WDR72: variants seen among roughly 807,000 people sequenced by gnomAD.
WDR72 encodes WD repeat domain 72.
Under a neutral mutation model 124.2 loss-of-function variants are expected in WDR72, and 120 were observed. That is an observed-to-expected ratio of 0.97 (90% confidence interval 0.83 to 1.12). The LOEUF (loss-of-function observed/expected upper bound fraction) is 1.12, where lower values mean the gene tolerates loss of function less well. Ranked by LOEUF, WDR72 falls within the 50% of genes most tolerant of loss-of-function variation. The probability of loss-of-function intolerance (pLI) is 0.00; values close to 1 mark genes in which losing one functional copy is unlikely to be tolerated. For missense variants in WDR72, 1,387 were observed against 1,278.8 expected, an observed-to-expected ratio of 1.08 and a Z score of -1.29; for synonymous variants, 452 against 441.7, an observed-to-expected ratio of 1.02 and a Z score of -0.29.
intron 14 of WDR72, among the ~76,000 whole-genome samples, chr15:53,631,326 T>C (rs547954161): frequency 1.3e-5 from 2 of 152,338 alleles, no homozygotes; most frequent in South Asian, 2.1e-4. Context: ...CTGAGGCCTA[T>C]TCAGAAGCAG....
intron 18 of WDR72, among the ~76,000 whole-genome samples, chr15:53,589,015 G>A (rs901682155): frequency 5.9e-5 from 9 of 151,846 alleles, no homozygotes; most frequent in African/African-American, 1.9e-4. Flanking sequence ...CAATGTTTGA[G>A]GCAGCGGCTC....
chr15:53,637,370 T>C (rs1264278662), intron 14 of WDR72, among the ~76,000 whole-genome samples: 1 of 152,212 alleles, frequency 6.6e-6, no homozygotes, highest in Non-Finnish European at 1.5e-5. Flanking sequence ...TCATTTAATG[T>C]GGCTTTCCCC....
intron 13 of WDR72, chr15:53,684,067 TATGAAA>T (rs2016502452): frequency 6.6e-6 from 1 of 152,098 alleles, no homozygotes; most frequent in Admixed American, 6.6e-5. Context: ...AAAATCACAA[TATGAAA>T]ATAAGTATGA....
chr15:53,543,208 A>G (rs1034959237), intron 18 of WDR72, among the ~76,000 whole-genome samples: 3 of 146,746 alleles, frequency 2.0e-5, no homozygotes, highest in Non-Finnish European at 4.5e-5. Context: ...TCAGCACCAC[A>G]CCACACCTAT....
intron 13 of WDR72, among the ~76,000 whole-genome samples, chr15:53,689,994 C>T (rs1233423432): frequency 7.0e-6 from 1 of 143,516 alleles, no homozygotes; most frequent in Non-Finnish European, 1.5e-5. Flanking sequence ...CATATTCTCA[C>T]TCATAGGTGG....
intron 19 of WDR72, among the ~76,000 whole-genome samples, chr15:53,521,372 C>T (rs1250165188): frequency 6.6e-6 from 1 of 152,016 alleles, no homozygotes; most frequent in African/African-American, 2.4e-5. Context: ...GCCACAAATT[C>T]TCAGTGGAAG....
chr15:53,719,591 C>T (rs17631829), intron 3 of WDR72, among the ~76,000 whole-genome samples: 41,086 of 152,028 alleles, frequency 0.27, 6,730 homozygotes, highest in Middle Eastern at 0.47. Flanking sequence ...TGAATGATAT[C>T]GTTACTAATA....
intron 18 of WDR72, among the ~76,000 whole-genome samples, chr15:53,550,981 GAATA>G (rs1329650840): frequency 6.6e-6 from 1 of 152,158 alleles, no homozygotes; most frequent in African/African-American, 2.4e-5. Flanking sequence ...TTTGTCATGA[GAATA>G]AATATGGAGT....
intron 18 of WDR72, among the ~76,000 whole-genome samples, chr15:53,539,572 C>T (rs1418004056): frequency 6.6e-6 from 1 of 151,190 alleles, no homozygotes; most frequent in Non-Finnish European, 1.5e-5. Flanking sequence ...TTCATTATTG[C>T]TAATAGTTGA....
chr15:53,697,816 T>A (rs1014257153), intron 13 of WDR72, among the ~76,000 whole-genome samples: 23 of 152,176 alleles, frequency 1.5e-4, no homozygotes, highest in Admixed American at 3.9e-4. Context: ...ATTATTATTA[T>A]TTTTTTGTTT....
chr15:53,550,918 A>G (rs1448506408), intron 18 of WDR72, among the ~76,000 whole-genome samples: 1 of 152,226 alleles, frequency 6.6e-6, no homozygotes, highest in African/African-American at 2.4e-5. Flanking sequence ...CACAAAAGAT[A>G]TAAATGATTA....
intron 18 of WDR72, among the ~76,000 whole-genome samples, chr15:53,568,072 GTTTTTT>G (rs66751840): frequency 0.011 from 1,552 of 138,096 alleles, 92 homozygotes; most frequent in East Asian, 0.087. Context: ...TTTTTGTCTT[GTTTTTT>G]TTTTTTTATT....
At chr15:53,592,533 C>CA (rs1334027394) in intron 18 of WDR72, among the ~76,000 whole-genome samples, 3 of 152,010 alleles carry the variant, frequency 2.0e-5, no homozygotes, top group Admixed American at 1.3e-4. Context: ...TTTATTTAAA[C>CA]AAAAAACACA....
chr15:53,710,829 T>C (rs1300421765), intron 9 of WDR72, 28 bp downstream of exon 9: 1 of 1,539,978 alleles, frequency 6.5e-7, no homozygotes, highest in African/African-American at 1.4e-5. Flanking sequence ...GAAACAGCTT[T>C]GAGGCAGTCA....
In WDR72 at chr15:53,515,081, A is replaced by C. The variant is rs199853246; in HGVS notation, c.*2618T>G. 1 of 24,812 alleles carries C rather than the reference A, an allele frequency of 4.0e-5. No homozygotes were observed. The highest frequency in any genetic ancestry group is 9.5e-5 in the Non-Finnish European group (1 of 10,494). The allele number at this position is 24,812 out of a possible 1,614,324, so 1.5% of individuals were successfully genotyped here. ...TATATATATACACACATATATATGT[A>C]TGTATACACACACACACACACACAC... On this transcript the variant is annotated 3_prime_UTR_variant, in exon 20 of 20. Coordinates refer to ENST00000360509, the MANE Select transcript of WDR72 (RefSeq NM_182758.4).
At chr15:53,552,590 A>G (rs1180443550) in intron 18 of WDR72, among the ~76,000 whole-genome samples, 1 of 152,152 alleles carries the variant, frequency 6.6e-6, no homozygotes, top group African/African-American at 2.4e-5. Context: ...TGCATTCTCT[A>G]TTGGAGTGGG....
At chr15:53,535,024 TA>T (rs1225502643) in intron 18 of WDR72, among the ~76,000 whole-genome samples, 2 of 152,082 alleles carry the variant, frequency 1.3e-5, no homozygotes, top group African/African-American at 4.8e-5. Context: ...GGTGATAAAA[TA>T]TTTTTTTAAG....
chr15:53,651,202 C>A (rs2015227487), intron 14 of WDR72, among the ~76,000 whole-genome samples: 1 of 152,042 alleles, frequency 6.6e-6, no homozygotes, highest in South Asian at 2.1e-4. Context: ...TTAGAATATT[C>A]TCCCCTCTGA....
chr15:53,568,953 T>C (rs554084909), intron 18 of WDR72, among the ~76,000 whole-genome samples: 3 of 152,220 alleles, frequency 2.0e-5, no homozygotes, highest in Admixed American at 2.0e-4. Flanking sequence ...ATTTTAATTA[T>C]GATATATTTA....
Sources: allele counts gnomAD v4.1 joint callset (sites outside exome capture counted in the v4.1 genomes callset), GRCh38; gene constraint gnomAD v4.1.1; transcripts MANE v1.5; gene names NCBI Gene and HGNC (gene_info 2026-07-23, HGNC 2026-07-21).